SFMBT2: variants seen among roughly 807,000 people sequenced by gnomAD.
SFMBT2 encodes scm-like with four MBT domains protein 2.
Under a neutral mutation model 110.1 loss-of-function variants are expected in SFMBT2, and 38 were observed. That is an observed-to-expected ratio of 0.35 (90% confidence interval 0.27 to 0.45). The LOEUF (loss-of-function observed/expected upper bound fraction) is 0.45. SFMBT2 is among the 20% of genes least tolerant of loss of function. The pLI, the probability that SFMBT2 is intolerant of heterozygous loss-of-function variation, is 1.00. For synonymous variants in SFMBT2, 425 were observed against 425.4 expected (o/e 1.00, Z 0.01); for missense variants, 1,011 against 1,094.9 (o/e 0.92, Z 1.08).
chr10:7,296,784 G>A (rs549233273), intron 4 of SFMBT2, among the ~76,000 whole-genome samples: 2 of 152,220 alleles, frequency 1.3e-5, no homozygotes, highest in Non-Finnish European at 2.9e-5. Flanking sequence ...GCTGGGCTTT[G>A]AGTAAAGCAG....
rs1307110600 is a variant in SFMBT2 at position 7,163,763 on chromosome 10, G to A, written c.*7C>T. 6.2e-7 allele frequency: 1 copy of A among 1,613,212 alleles called. No individual in the cohort carries two copies. The highest frequency in any genetic ancestry group is 2.2e-5 in the East Asian group (1 of 44,866). On this transcript the variant is annotated 3_prime_UTR_variant, in exon 21 of 21. Transcript: ENST00000397167. The surrounding 1 kb of genome is among the most constrained non-coding windows in gnomAD (Gnocchi z 4.8). ...CAGCAATAATGGGCCACCTCCCGAG[G>A]GCAGACTCAGTTGGCGTACTGGGCG...
intron 4 of SFMBT2, among the ~76,000 whole-genome samples, chr10:7,349,466 T>TTTTTTTTTTTTTTTTG (rs1844239262): frequency 7.6e-6 from 1 of 131,462 alleles, no homozygotes; most frequent in Non-Finnish European, 1.6e-5. Context: ...TTTTTTTTTT[T>TTTTTTTTTTTTTTTTG]GCGGGGGGGA....
chr10:7,339,297 A>G (rs76837538), intron 4 of SFMBT2, among the ~76,000 whole-genome samples: 159 of 152,332 alleles, frequency 1.0e-3, no homozygotes, highest in African/African-American at 3.6e-3. Context: ...ATGAAAACAA[A>G]TAAGTTTCGA....
intron 1 of SFMBT2, among the ~76,000 whole-genome samples, chr10:7,385,857 A>T (rs563971872): frequency 7.5e-4 from 114 of 152,198 alleles, no homozygotes; most frequent in Middle Eastern, 3.4e-3. Flanking sequence ...AAAATTAGCC[A>T]GGCGTGGTGG....
chr10:7,169,538 T>A (rs1205320070), intron 20 of SFMBT2, among the ~76,000 whole-genome samples: 5 of 152,264 alleles, frequency 3.3e-5, no homozygotes, highest in Admixed American at 1.3e-4. Flanking sequence ...TCTAGACTAC[T>A]GATTTATATG....
At chr10:7,260,743 G>A (rs893563460) in intron 7 of SFMBT2, among the ~76,000 whole-genome samples, 1 of 151,674 alleles carries the variant, frequency 6.6e-6, no homozygotes, top group African/African-American at 2.4e-5. Context: ...AGGGGCAGTT[G>A]TCACTTAGTA....
chr10:7,187,893 C>A (rs1291765031), intron 16 of SFMBT2, among the ~76,000 whole-genome samples: 3 of 152,102 alleles, frequency 2.0e-5, no homozygotes, highest in Non-Finnish European at 4.4e-5. Context: ...ACTAGTAAAA[C>A]CTATTCTATT....
At chr10:7,192,472 G>T (rs930282104) in intron 15 of SFMBT2, among the ~76,000 whole-genome samples, 10 of 152,182 alleles carry the variant, frequency 6.6e-5, no homozygotes, top group Non-Finnish European at 1.5e-4. Flanking sequence ...TCAGGATTCC[G>T]ACCAGAAAGC....
chr10:7,317,187 A>C (rs1271105033), intron 4 of SFMBT2, among the ~76,000 whole-genome samples: 1 of 152,046 alleles, frequency 6.6e-6, no homozygotes. Flanking sequence ...GGACTGGCCC[A>C]CACTAAATCC....
At chr10:7,267,017 G>A (rs1417657925) in intron 7 of SFMBT2, among the ~76,000 whole-genome samples, 1 of 152,224 alleles carries the variant, frequency 6.6e-6, no homozygotes, top group Non-Finnish European at 1.5e-5. Context: ...GGTTTGCTGT[G>A]TCTAAACTGT....
chr10:7,187,454 T>C (rs1838451960), intron 16 of SFMBT2, among the ~76,000 whole-genome samples: 2 of 152,240 alleles, frequency 1.3e-5, no homozygotes, highest in African/African-American at 4.8e-5. Flanking sequence ...AAGGAAATGA[T>C]GAAATGTAGC....
rs187957467 is a variant in SFMBT2 at position 7,161,538 on chromosome 10, C to T, written c.*2232G>A. 6 of 152,268 alleles carry T rather than the reference C, an allele frequency of 3.9e-5. No homozygotes were observed. Among genetic ancestry groups the T allele is most frequent in the African/African-American group, 1.4e-4 (6 of 41,552 alleles). The allele number at this position is 152,268 out of a possible 1,614,324, so 9.4% of individuals were successfully genotyped here. ...GGCTGAGAAGGCAGGGGTGGAAAAC[C>T]GCAGAGAGTTCAAAACTTGAGCTTA... On this transcript the variant is annotated 3_prime_UTR_variant, in exon 21 of 21. Coordinates refer to ENST00000397167, the MANE Select transcript of SFMBT2 (RefSeq NM_001387889.1).
intron 1 of SFMBT2, among the ~76,000 whole-genome samples, chr10:7,382,754 T>C (rs1845462378): frequency 1.3e-5 from 2 of 152,230 alleles, no homozygotes; most frequent in African/African-American, 2.4e-5. Context: ...AAAGTATCGA[T>C]GTTTGTCAAT....
At chr10:7,252,339 T>A (rs1840837554) in intron 7 of SFMBT2, among the ~76,000 whole-genome samples, 1 of 152,176 alleles carries the variant, frequency 6.6e-6, no homozygotes, top group Non-Finnish European at 1.5e-5. Flanking sequence ...GACAGCAATG[T>A]GTCCCTGAGA....
intron 6 of SFMBT2, among the ~76,000 whole-genome samples, chr10:7,278,520 T>A (rs867604774): frequency 3.9e-5 from 6 of 152,174 alleles, no homozygotes; most frequent in Admixed American, 1.3e-4. Flanking sequence ...GCCAACAGGC[T>A]GGAGCTCCTG....
At chr10:7,203,029 A>T (rs1161723739) in intron 12 of SFMBT2, 1 of 985,338 alleles carries the variant, frequency 1.0e-6, no homozygotes, top group Non-Finnish European at 1.2e-6. Context: ...ATAAATGAGC[A>T]AATAGTGATT....
At chr10:7,231,339 C>T (rs1312556478) in intron 9 of SFMBT2, among the ~76,000 whole-genome samples, 2 of 152,126 alleles carry the variant, frequency 1.3e-5, no homozygotes, top group Non-Finnish European at 2.9e-5. Flanking sequence ...GATGAGATCC[C>T]TGGGGTGGGG....
chr10:7,384,226 A>AC (rs1845516772), intron 1 of SFMBT2, among the ~76,000 whole-genome samples: 1 of 149,468 alleles, frequency 6.7e-6, no homozygotes, highest in Admixed American at 6.6e-5. Context: ...AAAAAAAAAA[A>AC]AAAAAAAAAA....
At chr10:7,189,048 A>G (rs1317086256) in intron 15 of SFMBT2, 2 of 655,680 alleles carry the variant, frequency 3.1e-6, no homozygotes, top group Non-Finnish European at 3.8e-6. Flanking sequence ...CCAAAGAGCA[A>G]TTTATTGTAC....
Sources: gnomAD v4.1 joint callset for allele counts (sites outside exome capture counted in the v4.1 genomes callset) on GRCh38, gnomAD v4.1.1 for gene constraint, Gnocchi (gnomAD v3.1) non-coding constraint, MANE v1.5 for transcripts, NCBI Gene and HGNC (gene_info 2026-07-23, HGNC 2026-07-21) for gene names.